The following OR1D2 variants were observed in gnomAD, a reference collection of about 807,000 sequenced individuals.
The protein encoded by OR1D2 is olfactory receptor 1D2.
For synonymous variants in OR1D2, 157 were observed against 153.9 expected, an observed-to-expected ratio of 1.02 and a Z score of -0.15; for missense variants, 357 against 376.1, an observed-to-expected ratio of 0.95 and a Z score of 0.42.
intron 1 of OR1D2, among the ~76,000 whole-genome samples, chr17:3,098,257 G>A (rs2047856580): frequency 6.6e-6 from 1 of 152,132 alleles, no homozygotes; most frequent in Admixed American, 6.5e-5. Flanking sequence ...CCCTATACAG[G>A]AGTGAACCTA....
At position 3,092,287 on chromosome 17, in the gene OR1D2, G is replaced by C; in HGVS notation, c.710C>G (p.Ala237Gly). 6.2e-7 allele frequency: 1 copy of C among 1,614,152 alleles called. No individual in the cohort carries two copies. The highest frequency in any genetic ancestry group is 8.5e-7 in the Non-Finnish European group (1 of 1,180,002). Residue 237 changes from alanine (A) to glycine (G), a missense_variant, in exon 2 of 2, where the codon GCC becomes GGC. Transcript: ENST00000641833. ...RIPSVSKKYK[A>G]FSTCASHLGA... The stretch of plus-strand genomic sequence containing the variant: ...CAAATGGGAGGCACAGGTGGAGAAG[G>C]CTTTGTATTTCTTAGAGACTGAGGG...
rs2047821249 is a variant in OR1D2, at chr17:3,092,719, G to A, written c.278C>T (p.Ser93Phe). 2.5e-6 allele frequency: 4 copies of A among 1,613,984 alleles called. No individual in the cohort carries two copies. ...VNLQSHNKAISYAGCLTQLYF... is the reference protein window; with the variant it reads ...VNLQSHNKAIFYAGCLTQLYF... ...GAGCTGTGTCAGACACCCTGCATAG[G>A]AGATGGCTTTGTTATGGGACTGGAG... The change falls in exon 2 of 2, where the codon TCC (serine) becomes TTC (phenylalanine). Residue 93 changes from serine to phenylalanine, a missense_variant. By Grantham distance (155) the Ser-to-Phe change is radical (BLOSUM62 -2). Coordinates refer to ENST00000641833, the MANE Select transcript of OR1D2 (RefSeq NM_002548.3).
chr17:3,094,492 A>T (rs1459345463), intron 1 of OR1D2, among the ~76,000 whole-genome samples: 1 of 152,176 alleles, frequency 6.6e-6, no homozygotes, highest in African/African-American at 2.4e-5. Flanking sequence ...GACAGTTCTC[A>T]GTGACTGTGG....
chr17:3,100,828 T>C (rs2047871908), intron 1 of OR1D2, among the ~76,000 whole-genome samples: 2 of 152,104 alleles, frequency 1.3e-5, no homozygotes, highest in African/African-American at 4.8e-5. Flanking sequence ...CAATAAAAAG[T>C]GATAAAGGGG....
At chr17:3,103,375 G>T (rs2047882876) in intron 1 of OR1D2, among the ~76,000 whole-genome samples, 1 of 152,022 alleles carries the variant, frequency 6.6e-6, no homozygotes, top group Admixed American at 6.6e-5. Flanking sequence ...TGAGTATCTG[G>T]GATTACAGGC....
At chr17:3,095,335 G>A (rs1156643919) in intron 1 of OR1D2, among the ~76,000 whole-genome samples, 1 of 151,952 alleles carries the variant, frequency 6.6e-6, no homozygotes, top group Non-Finnish European at 1.5e-5. Context: ...GACAAAGGAG[G>A]CTCCAAGACA....
At position 3,092,259 on chromosome 17, in the gene OR1D2, A is replaced by C; in HGVS notation, c.738T>G (p.Gly246=). 6.2e-7 allele frequency: 1 copy of C among 1,614,172 alleles called. No individual in the cohort carries two copies. The highest frequency in any genetic ancestry group is 8.5e-7 in the Non-Finnish European group (1 of 1,180,030). ...GTGTCCCATAGAAGAGGGAGACTGC[A>C]CCCAAATGGGAGGCACAGGTGGAGA... is the stretch of plus-strand genomic sequence containing the variant. ...KAFSTCASHL[G]AVSLFYGTLC... Residue 246 remains glycine, a synonymous_variant, in exon 2 of 2, where the codon GGT becomes GGG. Coordinates refer to ENST00000641833, the MANE Select transcript of OR1D2 (RefSeq NM_002548.3).
At chr17:3,099,696 G>A (rs921416002) in intron 1 of OR1D2, among the ~76,000 whole-genome samples, 52 of 152,188 alleles carry the variant, frequency 3.4e-4, no homozygotes, top group African/African-American at 1.2e-3. Flanking sequence ...ATGTAAATGG[G>A]CTAAATGCCC....
At position 3,089,938 on chromosome 17, in the gene OR1D2, G is replaced by A. The variant is rs2047796851; in HGVS notation, c.*2120C>T. On this transcript the variant is annotated 3_prime_UTR_variant, in exon 2 of 2. Transcript: ENST00000641833. ...TATTTCCGGGTAGCTGGTGAGCAGGGCTGAAAACTTGTTCCAGGCTGCAAG... is the reference window on the plus strand; with the variant it reads ...TATTTCCGGGTAGCTGGTGAGCAGGACTGAAAACTTGTTCCAGGCTGCAAG... 2 of 152,298 alleles carry A rather than the reference G, an allele frequency of 1.3e-5. No individual in the cohort carries two copies. Among genetic ancestry groups the A allele is most frequent in the Admixed American group, 6.5e-5 (1 of 15,282 alleles). The allele number at this position is 152,298 out of a possible 1,614,324, so 9.4% of individuals were successfully genotyped here.
Position 3,091,955 on chromosome 17 carries a change from G to A in OR1D2, c.*103C>T, listed in dbSNP as rs1219195540. ...ATATCTATATGCTGTCTCTGAGCTG[G>A]AGCCATGTCCCAATCACTGCTGTAT... is the stretch of plus-strand genomic sequence containing the variant. On this transcript the variant is annotated 3_prime_UTR_variant, in exon 2 of 2. Transcript: ENST00000641833. 4.7e-6 allele frequency: 4 copies of A among 851,906 alleles called. No individual in the cohort carries two copies. The African/African-American group carries it at 5.1e-5, about 11-fold the overall frequency. 52.8% of individuals were successfully genotyped at this position (851,906 alleles called of 1,614,324 possible). A position where few individuals can be genotyped will look rare whatever the true frequency, so the allele number is the denominator to read the frequency against.
In OR1D2 at chr17:3,089,162, T is replaced by A. The variant is rs2047791568; in HGVS notation, c.*2896A>T. On this transcript the variant is annotated 3_prime_UTR_variant, in exon 2 of 2. Coordinates refer to ENST00000641833, the MANE Select transcript of OR1D2 (RefSeq NM_002548.3). The stretch of plus-strand genomic sequence containing the variant: ...AGGGCTACTTATCAGATTGTTTTTG[T>A]CCATGGGATCCCCCCTTGATATGGG... 1 of 152,236 alleles carries A rather than the reference T, an allele frequency of 6.6e-6. No homozygotes were observed. Among genetic ancestry groups the A allele is most frequent in the Admixed American group, 6.5e-5 (1 of 15,288 alleles). 9.4% of individuals were successfully genotyped at this position (152,236 alleles called of 1,614,324 possible). A position where few individuals can be genotyped will look rare whatever the true frequency, so the allele number is the denominator to read the frequency against.
Position 3,096,090 on chromosome 17 carries a change from T to C in OR1D2, c.-50-3044A>G, listed in dbSNP as rs146670351. On this transcript the variant is annotated intron_variant, in intron 1 of 1. Transcript: ENST00000641833. Reference sequence around the variant, plus strand: ...CTAAAAATTACCTTCAAAAATAGAGTGAAAAAATTATTAAAGAAATTAAAA... The same window carrying C: ...CTAAAAATTACCTTCAAAAATAGAGCGAAAAAATTATTAAAGAAATTAAAA... Among the ~76,000 whole-genome samples, 563 of 151,540 alleles carry C rather than the reference T, an allele frequency of 3.7e-3. 2 individuals carry two copies. The highest frequency in any genetic ancestry group is 0.018 in the South Asian group (86 of 4,798).
chr17:3,092,659 A>T lies in OR1D2; in HGVS notation c.338T>A (p.Leu113His), dbSNP rs1231100818. 6.2e-7 allele frequency: 1 copy of T among 1,614,104 alleles called. No individual in the cohort carries two copies. Among genetic ancestry groups the T allele is most frequent in the Non-Finnish European group, 8.5e-7 (1 of 1,180,010 alleles). ...FLVSLVALDNLILAVMAYDRY... is the reference protein window; with the variant it reads ...FLVSLVALDNHILAVMAYDRY... ...GTCATATGCCATCACAGCCAGGATG[A>T]GGTTGTCCAGGGCCACCAAGGAGAC... Residue 113 changes from leucine to histidine, a missense_variant, in exon 2 of 2, where the codon CTC (leucine) becomes CAC (histidine). By Grantham distance (99) the Leu-to-His change is moderately conservative (BLOSUM62 -3). Transcript: ENST00000641833.
chr17:3,102,759 C>G (rs2047880507), intron 1 of OR1D2, among the ~76,000 whole-genome samples: 1 of 152,188 alleles, frequency 6.6e-6, no homozygotes, highest in Non-Finnish European at 1.5e-5. Flanking sequence ...GCTCTCCAAA[C>G]TTAAAGCCTA....
In OR1D2 at chr17:3,092,460, A is replaced by G. The variant is rs769383005; in HGVS notation, c.537T>C (p.Cys179=). ...CGSRKIHYIF[C]EMYVLLRMAC... ...CCATCCTCAGCAATACATACATCTC[A>G]CAGAAGATGTAGTGGATTTTTCGTG... The change falls in exon 2 of 2, where the codon TGT becomes TGC. Residue 179 remains cysteine (C), a synonymous_variant. Coordinates refer to ENST00000641833, the MANE Select transcript of OR1D2 (RefSeq NM_002548.3). The G allele has an allele frequency of 3.1e-6, 5 of 1,611,612 alleles. No homozygotes were observed. The highest frequency in any genetic ancestry group is 4.2e-6 in the Non-Finnish European group (5 of 1,177,708).
intron 1 of OR1D2, among the ~76,000 whole-genome samples, chr17:3,103,239 T>C (rs1227926143): frequency 2.0e-5 from 3 of 152,102 alleles, no homozygotes; most frequent in African/African-American, 7.2e-5. Context: ...TTTTTTCTTC[T>C]TTCTTTTCCT....
At position 3,102,912 on chromosome 17, in the gene OR1D2, T is replaced by C. The variant is rs148322136; in HGVS notation, c.-51+1187A>G. On this transcript the variant is annotated intron_variant, in intron 1 of 1. Coordinates refer to ENST00000641833, the MANE Select transcript of OR1D2 (RefSeq NM_002548.3). ...AACAGGGTTCCCAGTCTTGCCTCTATCCTGGTTCTGCTGCCCTCTCAGACA... is the reference window on the plus strand; with the variant it reads ...AACAGGGTTCCCAGTCTTGCCTCTACCCTGGTTCTGCTGCCCTCTCAGACA... 9.6e-3 allele frequency among the ~76,000 whole-genome samples: 1,462 copies of C among 152,286 alleles called. 25 individuals are homozygous for C. The highest frequency in any genetic ancestry group is 0.033 in the African/African-American group (1,362 of 41,552).
chr17:3,098,827 G>A (rs1488347519), intron 1 of OR1D2, among the ~76,000 whole-genome samples: 2 of 152,088 alleles, frequency 1.3e-5, no homozygotes, highest in African/African-American at 4.8e-5. Context: ...GTTTAGAGAC[G>A]AACATAAATG....
rs1597253657 is a variant in OR1D2, at chr17:3,092,294, A to G, written c.703T>C (p.Tyr235His). Residue 235 changes from tyrosine (Y) to histidine (H), a missense_variant, in exon 2 of 2, where the codon TAC becomes CAC. By Grantham distance (83) the Tyr-to-His change is moderately conservative. Coordinates refer to ENST00000641833, the MANE Select transcript of OR1D2 (RefSeq NM_002548.3). The part of the protein sequence containing the change: ...ILRIPSVSKK[Y>H]KAFSTCASHL... The stretch of plus-strand genomic sequence containing the variant: ...GAGGCACAGGTGGAGAAGGCTTTGT[A>G]TTTCTTAGAGACTGAGGGTATTCTG... 1.2e-6 allele frequency: 2 copies of G among 1,614,158 alleles called. No homozygotes were observed. Among genetic ancestry groups the G allele is most frequent in the Non-Finnish European group, 1.7e-6 (2 of 1,180,004 alleles).
Sources: allele counts gnomAD v4.1 joint callset (sites outside exome capture counted in the v4.1 genomes callset), GRCh38; gene constraint gnomAD v4.1.1; transcripts MANE v1.5; gene names NCBI Gene and HGNC (gene_info 2026-07-23, HGNC 2026-07-21).